NRG3: variants seen among roughly 807,000 people sequenced by gnomAD.
The protein encoded by NRG3 is neuregulin 3, also known as pro-neuregulin-3, membrane-bound isoform.
NRG3 carries 31 observed loss-of-function variants against 66.9 expected under a neutral mutation model. The ratio of observed to expected loss-of-function variants is 0.46; its 90% CI spans 0.35 to 0.63. The LOEUF (loss-of-function observed/expected upper bound fraction) is 0.63. NRG3 is among the 20% of genes least tolerant of loss of function. The pLI, the probability that NRG3 is intolerant of heterozygous loss-of-function variation, is 0.00. For synonymous variants in NRG3, 393 were observed against 359.4 expected (o/e 1.09, Z -1.06); for missense variants, 910 against 878.9 (o/e 1.04, Z -0.45).
intron 2 of NRG3, among the ~76,000 whole-genome samples, chr10:82,378,258 T>C (rs957963119): frequency 1.3e-5 from 2 of 152,188 alleles, no homozygotes; most frequent in Admixed American, 1.3e-4. Flanking sequence ...GAAAACATTC[T>C]GAGAAACTCC....
Position 82,424,709 on chromosome 10 carries a change from T to C in NRG3, c.953+65841T>C, listed in dbSNP as rs553781125. 3.9e-5 allele frequency among the ~76,000 whole-genome samples: 6 copies of C among 152,214 alleles called. No individual in the cohort carries two copies. In the South Asian group the frequency reaches 1.2e-3, roughly 32 times the overall value. ...TTTTGTTGTTATTTCTAGTAAACTATCACCTAACTCGAGGACACAAAGATT... is the reference window on the plus strand; with the variant it reads ...TTTTGTTGTTATTTCTAGTAAACTACCACCTAACTCGAGGACACAAAGATT... On this transcript the variant is annotated intron_variant, in intron 2 of 8. Transcript: ENST00000372141.
At chr10:82,774,632 T>C (rs2059828659) in intron 3 of NRG3, among the ~76,000 whole-genome samples, 1 of 151,922 alleles carries the variant, frequency 6.6e-6, no homozygotes, top group Non-Finnish European at 1.5e-5. Flanking sequence ...TTCACTTTCA[T>C]TTCTATTTTA....
intron 1 of NRG3, among the ~76,000 whole-genome samples, chr10:81,959,689 T>C (rs7083829): frequency 0.11 from 17,305 of 152,054 alleles, 1,591 homozygotes; most frequent in African/African-American, 0.26. Context: ...TTTTTAGAGA[T>C]ACAGAAGGGC....
chr10:82,214,662 G>A (rs989820305), intron 1 of NRG3, among the ~76,000 whole-genome samples: 2 of 152,076 alleles, frequency 1.3e-5, no homozygotes, highest in African/African-American at 4.8e-5. Flanking sequence ...AGAGATGGGG[G>A]TCTTGATATG....
Position 82,785,844 on chromosome 10 carries a change from T to G in NRG3, c.1027+47194T>G, listed in dbSNP as rs79500057. On this transcript the variant is annotated intron_variant, in intron 3 of 8. Transcript: ENST00000372141. The stretch of plus-strand genomic sequence containing the variant: ...AAGCATGTTTGAGAGAGAATATTAA[T>G]AGTGTGACAAAGGTGTTTGCTAAAG... Among the ~76,000 whole-genome samples the G allele has an allele frequency of 8.8e-3, 1,334 of 152,274 alleles. 16 individuals are homozygous for G. The highest frequency in any genetic ancestry group is 0.026 in the African/African-American group (1,091 of 41,560).
intron 2 of NRG3, among the ~76,000 whole-genome samples, chr10:82,714,194 TTAAC>T (rs2134425790): frequency 6.6e-6 from 1 of 152,340 alleles, no homozygotes; most frequent in East Asian, 1.9e-4. Flanking sequence ...ATCTACATAA[TTAAC>T]ATATGTATTT....
At chr10:82,817,798 C>T (rs1364666199) in intron 3 of NRG3, among the ~76,000 whole-genome samples, 1 of 152,250 alleles carries the variant, frequency 6.6e-6, no homozygotes, top group Non-Finnish European at 1.5e-5. Flanking sequence ...TTTTGTATAG[C>T]AGCTTTTACA....
intron 2 of NRG3, among the ~76,000 whole-genome samples, chr10:82,665,362 C>T (rs2052683216): frequency 6.6e-6 from 1 of 152,184 alleles, no homozygotes; most frequent in Non-Finnish European, 1.5e-5. Context: ...TTTTTGTAGA[C>T]ACCATCTTTT....
chr10:82,719,669 G>A (rs56163553), intron 2 of NRG3, among the ~76,000 whole-genome samples: 16,996 of 152,164 alleles, frequency 0.11, 1,432 homozygotes, highest in African/African-American at 0.24. Context: ...TTTTACTTTA[G>A]TCTCTGTGAC....
chr10:82,597,136 C>A (rs1296328716), intron 2 of NRG3, among the ~76,000 whole-genome samples: 2 of 152,082 alleles, frequency 1.3e-5, no homozygotes, highest in Admixed American at 1.3e-4. Flanking sequence ...GAGATCTTCC[C>A]AAATTTTAAG....
chr10:82,799,393 G>A (rs968205054), intron 3 of NRG3, among the ~76,000 whole-genome samples: 6 of 151,990 alleles, frequency 3.9e-5, no homozygotes, highest in Non-Finnish European at 7.4e-5. Context: ...GGGCATGTTG[G>A]CTTGTACCAG....
chr10:82,775,401 T>A (rs1490687684), intron 3 of NRG3, among the ~76,000 whole-genome samples: 1 of 152,158 alleles, frequency 6.6e-6, no homozygotes, highest in Non-Finnish European at 1.5e-5. Context: ...TTAAATTCTT[T>A]ATATTTGTGA....
chr10:82,058,777 A>G lies in NRG3; in HGVS notation c.823+182614A>G, dbSNP rs532416553. Among the ~76,000 whole-genome samples the G allele has an allele frequency of 2.0e-5, 3 of 152,206 alleles. No individual in the cohort carries two copies. The South Asian group carries it at 6.2e-4, about 32-fold the overall frequency. On this transcript the variant is annotated intron_variant, in intron 1 of 8. Coordinates refer to ENST00000372141, the MANE Select transcript of NRG3 (RefSeq NM_001010848.4). ...AAATGAAAAAGTTGGACACATCAAA[A>G]CCCTAAATCTAGGCACTACAGACAA...
At chr10:81,885,353 C>T (rs1842532255) in intron 1 of NRG3, among the ~76,000 whole-genome samples, 1 of 152,132 alleles carries the variant, frequency 6.6e-6, no homozygotes. Context: ...CTGACTCTAC[C>T]AAATCAATGA....
chr10:82,098,681 T>C (rs918542563), intron 1 of NRG3, among the ~76,000 whole-genome samples: 1 of 152,244 alleles, frequency 6.6e-6, no homozygotes, highest in African/African-American at 2.4e-5. Flanking sequence ...GATATGGTTC[T>C]TTTTTGTTGT....
chr10:81,916,836 T>G (rs1845759178), intron 1 of NRG3, among the ~76,000 whole-genome samples: 1 of 152,320 alleles, frequency 6.6e-6, no homozygotes, highest in African/African-American at 2.4e-5. Context: ...TGCCAACTCA[T>G]GTTCGCCAAT....
intron 1 of NRG3, among the ~76,000 whole-genome samples, chr10:82,338,983 G>A (rs1258552433): frequency 6.6e-6 from 1 of 152,134 alleles, no homozygotes; most frequent in African/African-American, 2.4e-5. Flanking sequence ...TGCTTAAGAT[G>A]ACACCAACAC....
At chr10:82,151,702 TC>T (rs1379851233) in intron 1 of NRG3, among the ~76,000 whole-genome samples, 1 of 107,362 alleles carries the variant, frequency 9.3e-6, no homozygotes, top group Non-Finnish European at 2.5e-5. Context: ...CCTTGTTTTT[TC>T]CCTTATTGTC....
chr10:81,946,400 C>T (rs989395437), intron 1 of NRG3, among the ~76,000 whole-genome samples: 2 of 151,976 alleles, frequency 1.3e-5, no homozygotes, highest in African/African-American at 2.4e-5. Flanking sequence ...TAATGGCAAC[C>T]CTAGGAAACT....
Sources: gnomAD v4.1 joint callset for allele counts (sites outside exome capture counted in the v4.1 genomes callset) on GRCh38, gnomAD v4.1.1 for gene constraint, MANE v1.5 for transcripts, NCBI Gene and HGNC (gene_info 2026-07-23, HGNC 2026-07-21) for gene names.